EVL: variants seen among roughly 807,000 people sequenced by gnomAD.
EVL encodes the protein Enah/Vasp-like.
In EVL, 21 loss-of-function variants were observed where a neutral mutation model predicts 59.6. That is an observed-to-expected ratio of 0.35 (90% CI 0.25 to 0.51). The LOEUF is 0.51. Ranked by LOEUF, EVL falls within the 20% of genes least tolerant of loss-of-function variation. The pLI, the probability that EVL is intolerant of heterozygous loss-of-function variation, is 0.97. For missense variants in EVL, 462 were observed against 546.6 expected, an observed-to-expected ratio of 0.85 and a Z score of 1.54; for synonymous variants, 198 against 203.5, an observed-to-expected ratio of 0.97 and a Z score of 0.23.
In EVL at chr14:100,109,563, G is replaced by A. The variant is rs1337866775; in HGVS notation, c.358+11905G>A. ...AGCTTGCGCCCATGTCATATTGTGT[G>A]CCTCTCATAGCCTGGCACTTCCTGC... On this transcript the variant is annotated intron_variant, in intron 3 of 13. Coordinates refer to ENST00000392920, the MANE Select transcript of EVL (RefSeq NM_016337.3). This position sits in a 1 kb window ranked among gnomAD's most constrained non-coding sequence, Gnocchi z 4.3. The A allele has an allele frequency of 2.1e-6, 1 of 475,686 alleles. No homozygotes were observed. Among genetic ancestry groups the A allele is most frequent in the Non-Finnish European group, 4.4e-6 (1 of 228,710 alleles). The allele number at this position is 475,686 out of a possible 1,614,324, so 29.5% of individuals were successfully genotyped here. A position where few individuals can be genotyped will look rare whatever the true frequency, so the allele number is the denominator to read the frequency against.
intron 8 of EVL, chr14:100,135,107 T>G (rs72711957): frequency 0.084 from 12,768 of 152,312 alleles, 898 homozygotes; most frequent in East Asian, 0.38. Context: ...TGAGGAGGCC[T>G]GAGAACCTCA....
Position 100,108,161 on chromosome 14 carries a change from G to A in EVL, c.358+10503G>A, listed in dbSNP as rs1886698302. On this transcript the variant is annotated intron_variant, in intron 3 of 13. Transcript: ENST00000392920. This position sits in a 1 kb window ranked among gnomAD's most constrained non-coding sequence, Gnocchi z 4.1. ...GCCCAGGGGCTGCACCTTCAGCACA[G>A]TGTTGAGAAAGAGCCCCGGAAAGGG... The A allele has an allele frequency of 6.6e-6, 1 of 152,230 alleles. No individual in the cohort carries two copies. Among genetic ancestry groups the A allele is most frequent in the Non-Finnish European group, 1.5e-5 (1 of 68,058 alleles). The allele number at this position is 152,230 out of a possible 1,614,324, so 9.4% of individuals were successfully genotyped here. A position where few individuals can be genotyped will look rare whatever the true frequency, so the allele number is the denominator to read the frequency against.
At chr14:100,104,735 T>C (rs191136760) in intron 3 of EVL, among the ~76,000 whole-genome samples, 24 of 152,290 alleles carry the variant, frequency 1.6e-4, no homozygotes, top group African/African-American at 5.3e-4. Context: ...GAGTGCCTAT[T>C]TGAGAAAGAG....
chr14:100,038,362 G>C (rs74084455), intron 1 of EVL, among the ~76,000 whole-genome samples: 14,272 of 152,212 alleles, frequency 0.094, 2,281 homozygotes, highest in African/African-American at 0.33. Context: ...TCCCAGCTCT[G>C]TTGGGCCTTC....
Position 100,100,780 on chromosome 14 carries a change from G to A in EVL, c.358+3122G>A, listed in dbSNP as rs1175845975. 8.2e-5 allele frequency among the ~76,000 whole-genome samples: 8 copies of A among 97,614 alleles called. No individual in the cohort carries two copies. The East Asian group carries it at 2.5e-3, about 31-fold the overall frequency. 64.0% of individuals were successfully genotyped at this position (97,614 alleles called of 152,430 possible). On this transcript the variant is annotated intron_variant, in intron 3 of 13. Coordinates refer to ENST00000392920, the MANE Select transcript of EVL (RefSeq NM_016337.3). Reference sequence around the variant, plus strand: ...AGCCTGTGTGACAGAGCAAGAGTCTGTCTCAAAAAAAAAAAAAAAAAAAAA... The same window carrying A: ...AGCCTGTGTGACAGAGCAAGAGTCTATCTCAAAAAAAAAAAAAAAAAAAAA...
In EVL at chr14:100,059,274, A is replaced by G. The variant is rs574725375; in HGVS notation, c.6-25413A>G. On this transcript the variant is annotated intron_variant, in intron 1 of 13. Coordinates refer to the EVL transcript ENST00000402714. ...TTTGATTCTTGAGAGAAGAAACACC[A>G]TGAGAAGCCCCTGGCTTTCTGCCTG... is the stretch of plus-strand genomic sequence containing the variant. Among the ~76,000 whole-genome samples the G allele has an allele frequency of 4.6e-5, 7 of 152,382 alleles. No individual in the cohort carries two copies. The East Asian group carries it at 1.3e-3, about 29-fold the overall frequency.
chr14:99,979,794 G>A (rs927184707), intron 1 of EVL, among the ~76,000 whole-genome samples: 1 of 152,166 alleles, frequency 6.6e-6, no homozygotes, highest in Non-Finnish European at 1.5e-5. Flanking sequence ...GTGCGAACCC[G>A]GGAGGCAGAG....
chr14:100,133,621 C>G (rs1364263852), intron 8 of EVL, among the ~76,000 whole-genome samples: 1 of 152,176 alleles, frequency 6.6e-6, no homozygotes, highest in Non-Finnish European at 1.5e-5. Context: ...CCTGCACTTC[C>G]CTGCATCACC....
chr14:100,120,797 T>TCCCAGACATCACTTAGGCCACACTGTCA (rs1276209834), intron 3 of EVL, among the ~76,000 whole-genome samples: 55 of 152,078 alleles, frequency 3.6e-4, no homozygotes, highest in Non-Finnish European at 6.3e-4. Context: ...TGTCTGTGTT[T>TCCCAGACATCACTTAGGCCACACTGTCA]CCCAGACATC....
At position 100,065,487 on chromosome 14, in the gene EVL, G is replaced by A; in HGVS notation, c.-14G>A. 3.3e-6 allele frequency: 5 copies of A among 1,517,494 alleles called. No individual in the cohort carries two copies. Among genetic ancestry groups the A allele is most frequent in the East Asian group, 2.5e-5 (1 of 40,594 alleles). The allele number at this position is 1,517,494 out of a possible 1,614,324, so 94.0% of individuals were successfully genotyped here. On this transcript the variant is annotated 5_prime_UTR_variant, in exon 1 of 14. Transcript: ENST00000392920. ...TCGCCTCCTCAGGGTTCCCTGTGCT[G>A]CCACTTTTCAGCCATGGCCACAAGG...
chr14:100,061,403 C>CAAAAAAAAAA (rs56656380), upstream of EVL, among the ~76,000 whole-genome samples: 96 of 19,098 alleles, frequency 5.0e-3, 3 homozygotes, highest in Non-Finnish European at 5.8e-3. Context: ...GACCCTGTCT[C>CAAAAAAAAAA]AAAAAAAAAA....
intron 1 of EVL, among the ~76,000 whole-genome samples, chr14:100,030,394 G>A (rs920116715): frequency 2.0e-5 from 3 of 152,050 alleles, no homozygotes; most frequent in South Asian, 2.1e-4. Context: ...GAGCCACCGC[G>A]CCCGGCCGAG....
At chr14:100,074,366 T>G (rs767199246) in intron 1 of EVL, 1 of 152,214 alleles carries the variant, frequency 6.6e-6, no homozygotes, top group African/African-American at 2.4e-5. Flanking sequence ...CCAGCCAACA[T>G]TGTCCTTTTT....
At chr14:99,984,938 C>T (rs1437203558) in intron 1 of EVL, among the ~76,000 whole-genome samples, 3 of 151,952 alleles carry the variant, frequency 2.0e-5, no homozygotes, top group Admixed American at 6.6e-5. Flanking sequence ...AATTAAAGTC[C>T]AGCATTTATT....
chr14:99,993,548 T>C (rs1369050461), intron 1 of EVL, among the ~76,000 whole-genome samples: 1 of 152,104 alleles, frequency 6.6e-6, no homozygotes, highest in African/African-American at 2.4e-5. Flanking sequence ...TCGGAAGAGT[T>C]TGAGGATTGA....
intron 3 of EVL, among the ~76,000 whole-genome samples, chr14:100,110,358 A>G (rs1322086284): frequency 6.6e-6 from 1 of 151,870 alleles, no homozygotes; most frequent in African/African-American, 2.4e-5. Flanking sequence ...TGGGCAACAG[A>G]GCAAGACGCT....
chr14:100,006,873 A>G (rs1366263066), intron 1 of EVL, among the ~76,000 whole-genome samples: 1 of 151,060 alleles, frequency 6.6e-6, no homozygotes, highest in Non-Finnish European at 1.5e-5. Context: ...AGATTTTGGG[A>G]AATCAGAGAT....
rs939320050 is a variant in EVL, at chr14:100,084,931, A to G, written c.180+76A>G. The G allele has an allele frequency of 2.9e-5, 44 of 1,510,494 alleles. No homozygotes were observed. The African/African-American group carries it at 4.8e-4, about 17-fold the overall frequency. The allele number at this position is 1,510,494 out of a possible 1,614,324, so 93.6% of individuals were successfully genotyped here. ...CACCGCCCACCCCTTACACACATGT[A>G]TCATTAAGAGGTCAGAACAAAAAGG... On this transcript the variant is annotated intron_variant, in intron 2 of 13. Coordinates refer to ENST00000392920, the MANE Select transcript of EVL (RefSeq NM_016337.3).
At chr14:100,060,637 A>G (rs2061811293), upstream of EVL, among the ~76,000 whole-genome samples, 2 of 152,156 alleles carry the variant, frequency 1.3e-5, no homozygotes, top group Admixed American at 1.3e-4. Flanking sequence ...GGAGGTCTAC[A>G]TACGTGTAAT....
Sources: gnomAD v4.1 joint callset for allele counts (sites outside exome capture counted in the v4.1 genomes callset) on GRCh38, gnomAD v4.1.1 for gene constraint, Gnocchi (gnomAD v3.1) non-coding constraint, MANE v1.5 for transcripts, NCBI Gene and HGNC (gene_info 2026-07-23, HGNC 2026-07-21) for gene names.